Variants in EIF5B observed in about 807,000 individuals in gnomAD.
EIF5B encodes eukaryotic translation initiation factor 5B.
Under a neutral mutation model 147.5 loss-of-function variants are expected in EIF5B, and 47 were observed. That is an observed-to-expected ratio of 0.32 (90% CI 0.25 to 0.41). The LOEUF (loss-of-function observed/expected upper bound fraction) is 0.41. EIF5B is among the 10% of genes least tolerant of loss of function. The pLI is 1.00. For synonymous variants in EIF5B, 455 were observed against 456.2 expected, an observed-to-expected ratio of 1.00 and a Z score of 0.03; for missense variants, 1,064 against 1,413.2, an observed-to-expected ratio of 0.75 and a Z score of 3.96.
chr2:99,377,127 A>G (rs1559254766), intron 10 of EIF5B, among the ~76,000 whole-genome samples: 1 of 152,132 alleles, frequency 6.6e-6, no homozygotes, highest in Non-Finnish European at 1.5e-5. Flanking sequence ...GCTTCAAGAG[A>G]AAGTTTTCTT....
At chr2:99,367,380 GA>G (rs1674348617) in intron 6 of EIF5B, among the ~76,000 whole-genome samples, 1 of 149,148 alleles carries the variant, frequency 6.7e-6, no homozygotes, top group South Asian at 2.1e-4. Context: ...CATCTGAAAA[GA>G]ATGTTCTAAA....
intron 17 of EIF5B, among the ~76,000 whole-genome samples, chr2:99,391,122 G>A (rs984747404): frequency 7.9e-5 from 12 of 152,156 alleles, no homozygotes; most frequent in Admixed American, 4.6e-4. Context: ...TGTTTTGTAT[G>A]TTTTATATAT....
At chr2:99,359,038 A>G (rs1432643249) in intron 1 of EIF5B, among the ~76,000 whole-genome samples, 1 of 152,098 alleles carries the variant, frequency 6.6e-6, no homozygotes, top group Non-Finnish European at 1.5e-5. Context: ...TATATTTATA[A>G]TATGGTTGAA....
rs756010765 is a variant in EIF5B at position 99,399,360 on chromosome 2, G to C, written c.3609G>C (p.Gln1203His). 1.2e-6 allele frequency: 2 copies of C among 1,614,186 alleles called. No homozygotes were observed. Among genetic ancestry groups the C allele is most frequent in the Non-Finnish European group, 1.7e-6 (2 of 1,180,028 alleles). The change falls in exon 24 of 24, where the codon CAG (glutamine) becomes CAC (histidine). Residue 1203 changes from glutamine (Q) to histidine (H), a missense_variant. Physicochemically the swap from Gln to His is conservative, Grantham distance 24 (BLOSUM62 0). Coordinates refer to ENST00000289371, the MANE Select transcript of EIF5B (RefSeq NM_015904.4). ...ALKDWFRDEM[Q>H]KSDWQLIVEL... ...AAGACTGGTTCAGAGATGAAATGCA[G>C]AAGAGTGACTGGCAGCTTATTGTGG...
At position 99,400,012 on chromosome 2, in the gene EIF5B, G is replaced by A. The variant is rs942897559; in HGVS notation, c.*598G>A. 2 of 152,470 alleles carry A rather than the reference G, an allele frequency of 1.3e-5. No homozygotes were observed. Among genetic ancestry groups the A allele is most frequent in the African/African-American group, 2.4e-5 (1 of 41,438 alleles). 9.4% of individuals were successfully genotyped at this position (152,470 alleles called of 1,614,324 possible). A position where few individuals can be genotyped will look rare whatever the true frequency, so the allele number is the denominator to read the frequency against. The stretch of plus-strand genomic sequence containing the variant: ...CTGCTTGTGTAGTCACGAGTCCATT[G>A]TAATCATCACAATTCTAAACCAAAC... On this transcript the variant is annotated 3_prime_UTR_variant, in exon 24 of 24. Transcript: ENST00000289371.
intron 9 of EIF5B, among the ~76,000 whole-genome samples, chr2:99,373,188 T>C (rs1292249333): frequency 6.6e-6 from 1 of 152,262 alleles, no homozygotes; most frequent in Non-Finnish European, 1.5e-5. Flanking sequence ...TTTCTATCTT[T>C]ATGACTCTTT....
intron 1 of EIF5B, among the ~76,000 whole-genome samples, chr2:99,339,405 A>G (rs2094253872): frequency 6.6e-6 from 1 of 152,166 alleles, no homozygotes; most frequent in African/African-American, 2.4e-5. Flanking sequence ...AGTGATTCTT[A>G]AACATTAGCA....
At chr2:99,398,009 A>G (rs571120314) in intron 22 of EIF5B, 3 of 151,956 alleles carry the variant, frequency 2.0e-5, no homozygotes, top group Non-Finnish European at 2.9e-5. Context: ...TAGGAGCTCA[A>G]CTGGCTCCTG....
At chr2:99,339,257 C>A (rs1245526710) in intron 1 of EIF5B, among the ~76,000 whole-genome samples, 1 of 151,802 alleles carries the variant, frequency 6.6e-6, no homozygotes, top group Admixed American at 6.6e-5. Flanking sequence ...AGGTGATCCG[C>A]CCGCCTCGGC....
intron 22 of EIF5B, 142 bp from the exon 23 acceptor site, chr2:99,398,606 C>A: frequency 1.2e-6 from 1 of 832,280 alleles, no homozygotes; most frequent in East Asian, 2.8e-5. Flanking sequence ...CAAAATGTTA[C>A]ACCGTGAGTG....
Position 99,376,586 on chromosome 2 carries a change from G to A in EIF5B, c.1792G>A (p.Asp598Asn). 1.2e-6 allele frequency: 2 copies of A among 1,613,478 alleles called. No individual in the cohort carries two copies. The highest frequency in any genetic ancestry group is 4.5e-5 in the East Asian group (2 of 44,852). ...SSDSEYDSDD[D>N]RTKEERAYDK... The stretch of plus-strand genomic sequence containing the variant: ...AGATTCTGAATATGACTCTGATGAT[G>A]ATCGGACTAAAGAAGAAAGGGCTTA... Residue 598 changes from aspartate to asparagine, a missense_variant, in exon 10 of 24, where the codon GAT becomes AAT. Transcript: ENST00000289371.
In EIF5B at chr2:99,387,749, C is replaced by CT. The variant is rs1355400664; in HGVS notation, c.2272-1965dup. ...TAGATAAATTTTGAGAGAATTGGCT[C>CT]TTTTAGCAATATTGCATCTTTTGAT... On this transcript the variant is annotated intron_variant, in intron 14 of 23. Coordinates refer to ENST00000289371, the MANE Select transcript of EIF5B (RefSeq NM_015904.4). Among the ~76,000 whole-genome samples, 3 of 152,298 alleles carry CT rather than the reference C, an allele frequency of 2.0e-5. No homozygotes were observed. In the East Asian group the frequency reaches 5.8e-4, roughly 29 times the overall value.
intron 5 of EIF5B, 114 bp from the exon 6 acceptor site, chr2:99,364,157 C>A: frequency 7.3e-7 from 1 of 1,373,626 alleles, no homozygotes. Flanking sequence ...AATCTCCTAA[C>A]ATAATACTTT....
At position 99,399,603 on chromosome 2, in the gene EIF5B, G is replaced by T. The variant is rs144790325; in HGVS notation, c.*189G>T. On this transcript the variant is annotated 3_prime_UTR_variant, in exon 24 of 24. Transcript: ENST00000289371. The stretch of plus-strand genomic sequence containing the variant: ...ACTTACACTGGTTTGACAGTGGTCA[G>T]TTACATGTCCCCACAGTTCCAATGT... 9.7e-4 allele frequency: 527 copies of T among 545,878 alleles called. 4 individuals carry two copies. The highest frequency in any genetic ancestry group is 9.1e-3 in the African/African-American group (477 of 52,704). The allele number at this position is 545,878 out of a possible 1,614,324, so 33.8% of individuals were successfully genotyped here. A position where few individuals can be genotyped will look rare whatever the true frequency, so the allele number is the denominator to read the frequency against.
Position 99,363,746 on chromosome 2 carries a change from G to A in EIF5B, c.1021G>A (p.Val341Ile). Residue 341 changes from valine to isoleucine, a missense_variant, in exon 5 of 24, where the codon GTT (valine) becomes ATT (isoleucine). Around this residue, in one of 4 missense-constraint regions of EIF5B, gnomAD observed 458 missense variants for 451.3 expected, o/e 1.01. Transcript: ENST00000289371. ...EKKKGPSKAT[V>I]KAMQEALAKL... ...GAAAAAAGGACCTAGCAAAGCCACT[G>A]TTAAAGCTATGCAAGAAGCTCTGGC... 1 of 1,613,756 alleles carries A rather than the reference G, an allele frequency of 6.2e-7. No homozygotes were observed. Among genetic ancestry groups the A allele is most frequent in the Non-Finnish European group, 8.5e-7 (1 of 1,179,958 alleles).
intron 1 of EIF5B, among the ~76,000 whole-genome samples, chr2:99,346,406 A>G (rs1039862348): frequency 6.6e-6 from 1 of 152,090 alleles, no homozygotes; most frequent in African/African-American, 2.4e-5. Flanking sequence ...ATTTATTAGT[A>G]ATTATTAGTT....
intron 12 of EIF5B, among the ~76,000 whole-genome samples, chr2:99,381,231 C>T (rs954782403): frequency 6.6e-6 from 1 of 152,070 alleles, no homozygotes; most frequent in Non-Finnish European, 1.5e-5. Context: ...CTTATTCCAC[C>T]AGTTGCCAGA....
intron 22 of EIF5B, 45 bp downstream of exon 22, chr2:99,396,943 A>G: frequency 6.4e-7 from 1 of 1,569,178 alleles, no homozygotes; most frequent in East Asian, 2.2e-5. Context: ...TTAAAGCACT[A>G]AATGAGTGTC....
intron 1 of EIF5B, among the ~76,000 whole-genome samples, chr2:99,353,740 T>C (rs185485867): frequency 5.9e-4 from 90 of 152,314 alleles, no homozygotes; most frequent in Non-Finnish European, 1.2e-3. Flanking sequence ...TTCTAAACTT[T>C]TGTCTTTCAA....
Sources: gnomAD v4.1 joint callset for allele counts (sites outside exome capture counted in the v4.1 genomes callset) on GRCh38, gnomAD v4.1.1 for gene constraint, gnomAD v4.1.1 regional missense constraint, MANE v1.5 for transcripts, NCBI Gene and HGNC (gene_info 2026-07-23, HGNC 2026-07-21) for gene names.